PTPRM: variants seen among roughly 807,000 people sequenced by gnomAD.
PTPRM encodes receptor-type tyrosine-protein phosphatase mu.
Under a neutral mutation model 186.7 loss-of-function variants are expected in PTPRM, and 47 were observed. The ratio of observed to expected loss-of-function variants is 0.25; its 90% CI spans 0.20 to 0.32. PTPRM has a LOEUF of 0.32. Ranked by LOEUF, PTPRM falls within the 10% of genes least tolerant of loss-of-function variation. The probability of loss-of-function intolerance (pLI) is 1.00; values close to 1 mark genes in which losing one functional copy is unlikely to be tolerated. For synonymous variants in PTPRM, 668 were observed against 674.9 expected (o/e 0.99, Z 0.16); for missense variants, 1,494 against 1,865.0 (o/e 0.80, Z 3.66).
chr18:7,899,809 A>C (rs117781843), intron 3 of PTPRM, among the ~76,000 whole-genome samples: 2 of 152,036 alleles, frequency 1.3e-5, no homozygotes, highest in South Asian at 4.2e-4. Flanking sequence ...AATTTTTCTG[A>C]TATTTTGAGG....
intron 11 of PTPRM, among the ~76,000 whole-genome samples, chr18:8,103,959 G>A (rs2091404822): frequency 6.6e-6 from 1 of 151,982 alleles, no homozygotes; most frequent in Non-Finnish European, 1.5e-5. Context: ...TGTGTCTTAG[G>A]GAGTAGGGAG....
chr18:7,595,410 A>T (rs1179498099), intron 1 of PTPRM, among the ~76,000 whole-genome samples: 3 of 152,108 alleles, frequency 2.0e-5, no homozygotes, highest in Non-Finnish European at 2.9e-5. Flanking sequence ...TGACCTGAGG[A>T]TGGAATGGCT....
chr18:8,062,885 T>C (rs1305143109), intron 7 of PTPRM, among the ~76,000 whole-genome samples: 24 of 133,718 alleles, frequency 1.8e-4, no homozygotes, highest in South Asian at 7.7e-4. Context: ...GACATTTAAG[T>C]CTGCAGAGGT....
chr18:7,675,329 A>C (rs2039309193), intron 1 of PTPRM, among the ~76,000 whole-genome samples: 1 of 152,086 alleles, frequency 6.6e-6, no homozygotes, highest in Non-Finnish European at 1.5e-5. Context: ...CTGGAAACTG[A>C]AATGGATGCT....
chr18:8,142,107 T>G (rs1157587173), intron 13 of PTPRM, among the ~76,000 whole-genome samples: 1 of 152,234 alleles, frequency 6.6e-6, no homozygotes, highest in Non-Finnish European at 1.5e-5. Context: ...CTTAAAGATT[T>G]AACTGAACAA....
rs144384186 is a variant in PTPRM at position 7,865,753 on chromosome 18, A to G, written c.197-22353A>G. ...TTCTCTTGTTTGGAATTATTTTCAG[A>G]AAGAATACCAGCTCCTTTTGGTACT... On this transcript the variant is annotated intron_variant, in intron 2 of 32. Coordinates refer to ENST00000580170, the MANE Select transcript of PTPRM (RefSeq NM_001105244.2). Among the ~76,000 whole-genome samples the G allele has an allele frequency of 1.7e-3, 259 of 152,184 alleles. 1 individual carries two copies. The East Asian group carries it at 0.04, about 24-fold the overall frequency.
At chr18:7,620,587 G>A (rs1482733745) in intron 1 of PTPRM, among the ~76,000 whole-genome samples, 1 of 152,176 alleles carries the variant, frequency 6.6e-6, no homozygotes, top group African/African-American at 2.4e-5. Context: ...TGCAGTGCTT[G>A]AGAGAATCTG....
chr18:7,657,797 G>A, intron 1 of PTPRM, among the ~76,000 whole-genome samples: 1 of 152,164 alleles, frequency 6.6e-6, no homozygotes, highest in East Asian at 1.9e-4. Context: ...CACTTGCCTT[G>A]TTTATCAAGA....
At chr18:7,698,168 C>A (rs1249939530) in intron 1 of PTPRM, among the ~76,000 whole-genome samples, 1 of 152,158 alleles carries the variant, frequency 6.6e-6, no homozygotes, top group Admixed American at 6.5e-5. Context: ...TACTACCAAA[C>A]CCCACATGTG....
chr18:8,261,618 G>A (rs932364007), intron 19 of PTPRM, among the ~76,000 whole-genome samples: 31 of 152,074 alleles, frequency 2.0e-4, no homozygotes, highest in South Asian at 2.1e-4. Context: ...CACTCAGTCC[G>A]CCTGCTTTCG....
intron 2 of PTPRM, among the ~76,000 whole-genome samples, chr18:7,859,710 G>C (rs182787220): frequency 1.3e-4 from 20 of 152,334 alleles, no homozygotes; most frequent in African/African-American, 4.3e-4. Flanking sequence ...GTACCCTGTG[G>C]TGCAAACATT....
intron 2 of PTPRM, among the ~76,000 whole-genome samples, chr18:7,853,865 G>A (rs926750659): frequency 6.6e-6 from 1 of 152,080 alleles, no homozygotes; most frequent in Non-Finnish European, 1.5e-5. Flanking sequence ...AATGAAAACT[G>A]ATTTTCTAAA....
intron 13 of PTPRM, among the ~76,000 whole-genome samples, chr18:8,137,695 CT>C (rs1448013970): frequency 6.6e-6 from 1 of 152,210 alleles, no homozygotes; most frequent in African/African-American, 2.4e-5. Context: ...CCCCCAGCCC[CT>C]GCTCCAGACC....
chr18:8,129,525 G>C (rs1257119204), intron 13 of PTPRM, among the ~76,000 whole-genome samples: 1 of 152,176 alleles, frequency 6.6e-6, no homozygotes, highest in Non-Finnish European at 1.5e-5. Context: ...TCAGTCTAAA[G>C]ATCCCAGTGA....
intron 22 of PTPRM, among the ~76,000 whole-genome samples, chr18:8,324,285 G>C (rs967072241): frequency 6.6e-6 from 1 of 152,070 alleles, no homozygotes; most frequent in African/African-American, 2.4e-5. Flanking sequence ...TGTTATAATC[G>C]TTAGTATTTT....
rs532244351 is a variant in PTPRM at position 7,746,367 on chromosome 18, A to G, written c.74-27782A>G. 6.6e-5 allele frequency among the ~76,000 whole-genome samples: 10 copies of G among 152,328 alleles called. 1 individual carries two copies. The South Asian group carries it at 1.2e-3, about 19-fold the overall frequency. On this transcript the variant is annotated intron_variant, in intron 1 of 32. Transcript: ENST00000580170. ...TTGAAGTCCTGGGAGAATTCTGCCA[A>G]TGTAGAATTCTATATCTAATGACGA...
chr18:7,701,554 T>A (rs777559808), intron 1 of PTPRM, among the ~76,000 whole-genome samples: 1 of 151,702 alleles, frequency 6.6e-6, no homozygotes, highest in Non-Finnish European at 1.5e-5. Context: ...GAGCTGAGAT[T>A]GCGCCACTGC....
chr18:8,295,861 G>C (rs769857808), intron 19 of PTPRM, among the ~76,000 whole-genome samples: 25 of 152,122 alleles, frequency 1.6e-4, no homozygotes, highest in Admixed American at 3.3e-4. Flanking sequence ...AAAATGAAGA[G>C]AAAACTTTGG....
At chr18:7,837,586 C>G (rs574323677) in intron 2 of PTPRM, among the ~76,000 whole-genome samples, 2 of 152,088 alleles carry the variant, frequency 1.3e-5, no homozygotes, top group Non-Finnish European at 2.9e-5. Context: ...TCCTGAGTAC[C>G]TGGGACTACA....
Sources: allele counts gnomAD v4.1 joint callset (sites outside exome capture counted in the v4.1 genomes callset), GRCh38; gene constraint gnomAD v4.1.1; transcripts MANE v1.5; gene names NCBI Gene and HGNC (gene_info 2026-07-23, HGNC 2026-07-21).